The following CD99L2 variants were observed in gnomAD, a reference collection of about 807,000 sequenced individuals.
CD99L2 encodes the protein CD99 molecule like 2.
In CD99L2, 24 loss-of-function variants were observed where a neutral mutation model predicts 27.3. The ratio of observed to expected loss-of-function variants is 0.88; its 90% CI spans 0.64 to 1.24. The LOEUF is 1.24. CD99L2 is among the 50% of genes most tolerant of loss of function. The probability of loss-of-function intolerance (pLI) is 0.00; values close to 1 mark genes in which losing one functional copy is unlikely to be tolerated. For synonymous variants in CD99L2, 97 were observed against 87.9 expected, an observed-to-expected ratio of 1.10 and a Z score of -0.58; for missense variants, 255 against 221.6, an observed-to-expected ratio of 1.15 and a Z score of -0.96.
intron 1 of CD99L2, among the ~76,000 whole-genome samples, chrX:150,867,980 G>A (rs1413211694): frequency 9.6e-6 from 1 of 103,889 alleles, no homozygotes; most frequent in Non-Finnish European, 1.9e-5. Context: ...TACTTGGGAG[G>A]CTGAGGCAGG....
At chrX:150,771,686 C>A in intron 9 of CD99L2, 1 of 827,883 alleles carries the variant, frequency 1.2e-6, no homozygotes, top group Non-Finnish European at 1.7e-6. Flanking sequence ...ACAGCCACGT[C>A]GGTGAGTGCC....
intron 4 of CD99L2, among the ~76,000 whole-genome samples, chrX:150,803,673 A>G (rs1399470635): frequency 8.9e-6 from 1 of 112,229 alleles, no homozygotes; most frequent in Non-Finnish European, 1.9e-5. Flanking sequence ...TTGATAAAGC[A>G]TAGTCTTTTG....
chrX:150,807,949 G>C (rs2046019386), intron 4 of CD99L2, among the ~76,000 whole-genome samples: 1 of 112,398 alleles, frequency 8.9e-6, no homozygotes, highest in African/African-American at 3.2e-5. Flanking sequence ...CAAAACACAA[G>C]AAATCACAAA....
chrX:150,784,016 C>G (rs1359779293), intron 7 of CD99L2, among the ~76,000 whole-genome samples: 1 of 111,565 alleles, frequency 9.0e-6, no homozygotes, highest in Admixed American at 9.5e-5. Context: ...GAAAGGTCTG[C>G]AGATAACGAA....
At chrX:150,859,788 C>T (rs983603694) in intron 1 of CD99L2, among the ~76,000 whole-genome samples, 1 of 109,681 alleles carries the variant, frequency 9.1e-6, no homozygotes, top group Admixed American at 9.8e-5. Context: ...TGTAAGCCAC[C>T]GCGCCCGGCA....
At chrX:150,830,811 TTTC>T (rs1557421041) in intron 2 of CD99L2, among the ~76,000 whole-genome samples, 1 of 110,999 alleles carries the variant, frequency 9.0e-6, no homozygotes, top group Non-Finnish European at 1.9e-5. Context: ...TTTCTTTTCT[TTTC>T]TTTTCTTTTT....
chrX:150,851,764 AT>A (rs1387342828), intron 1 of CD99L2, among the ~76,000 whole-genome samples: 1 of 111,111 alleles, frequency 9.0e-6, no homozygotes, highest in Non-Finnish European at 1.9e-5. Context: ...CTCTTTCTCC[AT>A]TTTCAAAGTA....
chrX:150,834,455 G>A (rs2046495702), intron 1 of CD99L2, among the ~76,000 whole-genome samples: 1 of 112,212 alleles, frequency 8.9e-6, no homozygotes, highest in African/African-American at 3.2e-5. Context: ...TCGCGCCACT[G>A]CACTCCAGCC....
intron 1 of CD99L2, among the ~76,000 whole-genome samples, chrX:150,865,124 G>A (rs1281751780): frequency 9.0e-6 from 1 of 110,623 alleles, no homozygotes; most frequent in Non-Finnish European, 1.9e-5. Context: ...GAGAAAATTG[G>A]GAGGAAAAAA....
chrX:150,892,684 A>G (rs1248959804), intron 1 of CD99L2, among the ~76,000 whole-genome samples: 1 of 109,292 alleles, frequency 9.1e-6, no homozygotes, highest in Admixed American at 9.8e-5. Flanking sequence ...TAAACTCACA[A>G]GAATGAAACC....
intron 2 of CD99L2, among the ~76,000 whole-genome samples, chrX:150,818,492 G>A (rs782192394): frequency 9.2e-5 from 10 of 108,926 alleles, no homozygotes; most frequent in South Asian, 4.1e-4. Flanking sequence ...ACAATTATAC[G>A]GAATTAAAGA....
At chrX:150,769,865 G>C (rs782518503) in intron 10 of CD99L2, among the ~76,000 whole-genome samples, 86 of 113,237 alleles carry the variant, frequency 7.6e-4, no homozygotes, top group Non-Finnish European at 1.3e-3. Context: ...CCACAGAAGG[G>C]GGAGGGAGGG....
chrX:150,779,015 C>G (rs2045465391), intron 7 of CD99L2, among the ~76,000 whole-genome samples: 2 of 111,539 alleles, frequency 1.8e-5, no homozygotes, highest in Admixed American at 1.9e-4. Flanking sequence ...ATTCATGTCA[C>G]TAGACTTCCA....
At chrX:150,865,498 T>C (rs1176469047) in intron 1 of CD99L2, among the ~76,000 whole-genome samples, 1 of 111,220 alleles carries the variant, frequency 9.0e-6, no homozygotes, top group Non-Finnish European at 1.9e-5. Context: ...GATGGATAAA[T>C]AGATAGATAA....
intron 4 of CD99L2, 85 bp downstream of exon 4, chrX:150,814,777 C>A: frequency 1.1e-6 from 1 of 917,222 alleles, no homozygotes; most frequent in South Asian, 2.1e-5. Flanking sequence ...TCTGCCAAGC[C>A]CAGACTGACT....
At chrX:150,896,004 C>A (rs2047600590) in intron 1 of CD99L2, among the ~76,000 whole-genome samples, 1 of 88,280 alleles carries the variant, frequency 1.1e-5, no homozygotes. Flanking sequence ...CTAGTCTGGG[C>A]GACATAGCAA....
intron 4 of CD99L2, among the ~76,000 whole-genome samples, chrX:150,803,141 G>A (rs185506661): frequency 4.5e-4 from 49 of 109,789 alleles, no homozygotes; most frequent in African/African-American, 1.6e-3. Context: ...TGATCTGCCC[G>A]CCTCGGCCTC....
intron 1 of CD99L2, among the ~76,000 whole-genome samples, chrX:150,843,553 A>T (rs2046654611): frequency 9.1e-6 from 1 of 110,494 alleles, no homozygotes; most frequent in African/African-American, 3.3e-5. Context: ...TGGGAGGCTG[A>T]GGCAGGAGAA....
At chrX:150,848,118 C>CCA (rs1557421507) in intron 1 of CD99L2, among the ~76,000 whole-genome samples, 2 of 107,309 alleles carry the variant, frequency 1.9e-5, no homozygotes, top group Non-Finnish European at 1.9e-5. Flanking sequence ...CAGGCCCCCC[C>CCA]CCCCTTGTAC....
Sources: allele counts gnomAD v4.1 joint callset (sites outside exome capture counted in the v4.1 genomes callset), GRCh38; gene constraint gnomAD v4.1.1; transcripts MANE v1.5; gene names NCBI Gene and HGNC (gene_info 2026-07-23, HGNC 2026-07-21).